Variants in GRSF1 observed in about 807,000 individuals in gnomAD.
GRSF1 encodes G-rich sequence factor 1.
Under a neutral mutation model 51.1 loss-of-function variants are expected in GRSF1, and 50 were observed. That is an observed-to-expected ratio of 0.98 (90% CI 0.78 to 1.24). The LOEUF (loss-of-function observed/expected upper bound fraction) is 1.24, where lower values mean the gene tolerates loss of function less well. Ranked by LOEUF, GRSF1 falls within the 50% of genes most tolerant of loss-of-function variation. The pLI is 0.00. For synonymous variants in GRSF1, 293 were observed against 253.3 expected, an observed-to-expected ratio of 1.16 and a Z score of -1.49; for missense variants, 700 against 639.7, an observed-to-expected ratio of 1.09 and a Z score of -1.02.
At position 70,839,524 on chromosome 4, in the gene GRSF1, G is replaced by C; in HGVS notation, c.304C>G (p.Leu102Val). 3.5e-6 allele frequency: 5 copies of C among 1,446,366 alleles called. No individual in the cohort carries two copies. Among genetic ancestry groups the C allele is most frequent in the Non-Finnish European group, 4.5e-6 (5 of 1,105,896 alleles). 89.6% of individuals were successfully genotyped at this position (1,446,366 alleles called of 1,614,324 possible). A position where few individuals can be genotyped will look rare whatever the true frequency, so the allele number is the denominator to read the frequency against. The change falls in exon 1 of 10, where the codon CTG (leucine) becomes GTG (valine). Residue 102 changes from leucine (L) to valine (V), a missense_variant. Leu to Val is a conservative substitution (Grantham distance 32, BLOSUM62 1). Coordinates refer to ENST00000254799, the MANE Select transcript of GRSF1 (RefSeq NM_002092.4). ...GCCGCCGCCGCCAGCGACTGCGGCA[G>C]CAGAGAGGCACGGAGGGCAGAGTAG... Reference protein sequence around the residue: ...ASYSALRASLLPQSLAAAAAV... With the variant: ...ASYSALRASLVPQSLAAAAAV...
chr4:70,838,278 T>A (rs758279242), intron 1 of GRSF1, among the ~76,000 whole-genome samples: 13 of 150,606 alleles, frequency 8.6e-5, no homozygotes, highest in Admixed American at 7.3e-4. Flanking sequence ...GTAAGCAGTG[T>A]CTAACACATA....
chr4:70,821,501 T>C lies in GRSF1; in HGVS notation c.*26-640A>G, dbSNP rs189830824. On this transcript the variant is annotated intron_variant, in intron 9 of 9. Transcript: ENST00000254799. ...TACGCCTGTAGCCCCAGCTACTTCA[T>C]AGACTGAGGCAGGAGAATCGCTTGA... Among the ~76,000 whole-genome samples the C allele has an allele frequency of 2.7e-3, 401 of 150,972 alleles. 1 individual carries two copies. The highest frequency in any genetic ancestry group is 9.1e-3 in the African/African-American group (373 of 41,156).
chr4:70,821,757 C>A (rs1335410164), intron 9 of GRSF1, among the ~76,000 whole-genome samples: 5 of 148,832 alleles, frequency 3.4e-5, no homozygotes, highest in Admixed American at 2.0e-4. Context: ...GTCACTGCAA[C>A]CTCCGCCTCC....
upstream of GRSF1, among the ~76,000 whole-genome samples, chr4:70,840,588 C>T (rs2148850269): frequency 6.6e-6 from 1 of 152,272 alleles, no homozygotes; most frequent in Non-Finnish European, 1.5e-5. Flanking sequence ...CATGGTGAAA[C>T]TGTGTCTCTA....
At position 70,825,365 on chromosome 4, in the gene GRSF1, C is replaced by T. The variant is rs778971404; in HGVS notation, c.1324G>A (p.Glu442Lys). The change falls in exon 8 of 10, where the codon GAA (glutamate) becomes AAA (lysine). Residue 442 changes from glutamate (E) to lysine (K), a missense_variant. Transcript: ENST00000254799. Reference sequence around the variant, plus strand: ...TGGGTCTCAAAGTGCACATCAGCTTCTCCAGTGGCCTTCCCACTGGAGCTG... The same window carrying T: ...TGGGTCTCAAAGTGCACATCAGCTTTTCCAGTGGCCTTCCCACTGGAGCTG... Reference protein sequence around the residue: ...EYSSSGKATGEADVHFETHED... With the variant: ...EYSSSGKATGKADVHFETHED... 1.9e-6 allele frequency: 3 copies of T among 1,612,026 alleles called. No homozygotes were observed. Among genetic ancestry groups the T allele is most frequent in the South Asian group, 1.1e-5 (1 of 90,914 alleles).
intron 4 of GRSF1, 53 bp from the exon 5 acceptor site, chr4:70,831,727 T>A (rs895783909): frequency 1.1e-5 from 16 of 1,487,060 alleles, no homozygotes; most frequent in Non-Finnish European, 1.5e-5. Flanking sequence ...ATCCTTAGAA[T>A]TAACACCATC....
At chr4:70,823,976 C>CTTTTTT (rs35338829) in intron 9 of GRSF1, among the ~76,000 whole-genome samples, 8 of 131,314 alleles carry the variant, frequency 6.1e-5, no homozygotes, top group South Asian at 2.2e-4. Context: ...GTATCTCTCT[C>CTTTTTT]TTTTTTTTTT....
chr4:70,835,796 A>G (rs954042782), intron 2 of GRSF1, among the ~76,000 whole-genome samples: 1 of 152,146 alleles, frequency 6.6e-6, no homozygotes, highest in Admixed American at 6.5e-5. Flanking sequence ...GTCTTTATAC[A>G]TATGTAAATT....
intron 2 of GRSF1, 126 bp downstream of exon 2, chr4:70,836,032 G>C (rs1233676654): frequency 1.9e-6 from 1 of 535,506 alleles, no homozygotes; most frequent in Non-Finnish European, 3.2e-6. Context: ...TGACAGCGTA[G>C]TCTGACATGG....
chr4:70,823,450 C>G, intron 9 of GRSF1, among the ~76,000 whole-genome samples: 1 of 146,300 alleles, frequency 6.8e-6, no homozygotes, highest in Middle Eastern at 3.5e-3. Context: ...GAAAAAATAT[C>G]ATAATTAATT....
chr4:70,822,425 A>G (rs1265186766), intron 9 of GRSF1, among the ~76,000 whole-genome samples: 1 of 152,052 alleles, frequency 6.6e-6, no homozygotes, highest in Non-Finnish European at 1.5e-5. Context: ...TCTACTAAAT[A>G]TACAAAAATT....
intron 7 of GRSF1, 87 bp from the exon 8 acceptor site, chr4:70,825,518 C>G: frequency 4.0e-6 from 4 of 998,742 alleles, no homozygotes; most frequent in Non-Finnish European, 5.7e-6. Flanking sequence ...TTCTTTCAGA[C>G]TTTGATTCAT....
upstream of GRSF1, chr4:70,839,903 C>T (rs1211494199): frequency 8.4e-6 from 11 of 1,302,984 alleles, no homozygotes; most frequent in East Asian, 1.0e-4. Flanking sequence ...AATCCAGGGC[C>T]GGTTGGGGGT....
chr4:70,831,429 A>G, intron 5 of GRSF1, 110 bp downstream of exon 5: 1 of 938,448 alleles, frequency 1.1e-6, no homozygotes, highest in Non-Finnish European at 1.6e-6. Context: ...TCACTACACT[A>G]CTCTCTCTAC....
intron 9 of GRSF1, among the ~76,000 whole-genome samples, chr4:70,823,612 G>C (rs1004917318): frequency 6.6e-6 from 1 of 151,632 alleles, no homozygotes; most frequent in Admixed American, 6.6e-5. Flanking sequence ...GCTCACTCTT[G>C]TAATTCCAAC....
intron 6 of GRSF1, 77 bp downstream of exon 6, chr4:70,827,775 C>CTCAAAAAAAAAAAA: frequency 9.5e-7 from 1 of 1,051,186 alleles, no homozygotes; most frequent in East Asian, 2.4e-5. Flanking sequence ...GAGACTTCAT[C>CTCAAAAAAAAAAAA]TCAAAAAAAA....
At chr4:70,829,526 T>C (rs1733875288) in intron 5 of GRSF1, among the ~76,000 whole-genome samples, 1 of 152,054 alleles carries the variant, frequency 6.6e-6, no homozygotes, top group Non-Finnish European at 1.5e-5. Context: ...TGGTGGCATG[T>C]ATCTGTAGTC....
chr4:70,821,361 G>A (rs1733489037), intron 9 of GRSF1, among the ~76,000 whole-genome samples: 1 of 152,156 alleles, frequency 6.6e-6, no homozygotes, highest in Non-Finnish European at 1.5e-5. Flanking sequence ...GGAGGCAGAG[G>A]TTGCAGTGAG....
intron 9 of GRSF1, among the ~76,000 whole-genome samples, chr4:70,822,479 A>T (rs919378646): frequency 6.6e-6 from 1 of 151,472 alleles, no homozygotes; most frequent in Non-Finnish European, 1.5e-5. Flanking sequence ...GCTACTTGGG[A>T]GGCTGAGGCA....
Sources: allele counts gnomAD v4.1 joint callset (sites outside exome capture counted in the v4.1 genomes callset), GRCh38; gene constraint gnomAD v4.1.1; transcripts MANE v1.5; gene names NCBI Gene and HGNC (gene_info 2026-07-23, HGNC 2026-07-21).